Variants in CTIF observed in about 807,000 individuals in gnomAD.
CTIF encodes CBP80/20-dependent translation initiation factor.
Under a neutral mutation model 66.0 loss-of-function variants are expected in CTIF, and 21 were observed. The ratio of observed to expected loss-of-function variants is 0.32; its 90% CI spans 0.23 to 0.46. CTIF has a LOEUF of 0.46. Ranked by LOEUF, CTIF falls within the 20% of genes least tolerant of loss-of-function variation. The pLI, the probability that CTIF is intolerant of heterozygous loss-of-function variation, is 1.00. For missense variants in CTIF, 739 were observed against 812.7 expected (o/e 0.91, Z 1.10); for synonymous variants, 345 against 326.4 (o/e 1.06, Z -0.62).
rs1568196260 is a variant in CTIF, at chr18:48,761,391, A to T, written c.1073A>T (p.Asp358Val). Residue 358 changes from aspartate (D) to valine (V), a missense_variant and splice_region_variant, in exon 9 of 12, where the codon GAT becomes GTT. By Grantham distance (152) the Asp-to-Val change is radical (BLOSUM62 -3). This residue lies in a region of CTIF where 529 missense variants were observed against 520.3 expected (regional missense o/e 1.02). Coordinates refer to ENST00000256413, the MANE Select transcript of CTIF (RefSeq NM_014772.3). This position sits in a 1 kb window ranked among gnomAD's most constrained non-coding sequence, Gnocchi z 4.2. Reference protein sequence around the residue: ...DRLRRRLKEKDEVAVETTTPQ... With the variant: ...DRLRRRLKEKVEVAVETTTPQ... ...TTCATTTGTCTCCGACACCCCCAGG[A>T]TGAAGTGGCCGTGGAGACGACCACT... The T allele has an allele frequency of 6.2e-7, 1 of 1,612,190 alleles. No individual in the cohort carries two copies. Among genetic ancestry groups the T allele is most frequent in the Non-Finnish European group, 8.5e-7 (1 of 1,178,692 alleles).
chr18:48,558,153 A>G (rs1029995036), intron 1 of CTIF, among the ~76,000 whole-genome samples: 2 of 152,176 alleles, frequency 1.3e-5, no homozygotes, highest in Non-Finnish European at 2.9e-5. Context: ...CATTCATACC[A>G]CTGGTAGAAC....
chr18:48,598,588 T>C (rs929715415), intron 1 of CTIF, among the ~76,000 whole-genome samples: 21 of 152,144 alleles, frequency 1.4e-4, no homozygotes, highest in African/African-American at 4.8e-4. Flanking sequence ...TTGGGAACCC[T>C]TTGGTATTTG....
intron 6 of CTIF, among the ~76,000 whole-genome samples, chr18:48,709,502 G>A (rs554856880): frequency 1.2e-4 from 18 of 152,238 alleles, no homozygotes; most frequent in Non-Finnish European, 2.2e-4. Context: ...CCCTGGGCTC[G>A]TGTTACACTA....
chr18:48,660,096 T>A (rs912702400), intron 3 of CTIF, among the ~76,000 whole-genome samples: 1 of 145,396 alleles, frequency 6.9e-6, no homozygotes, highest in Non-Finnish European at 1.5e-5. Flanking sequence ...CCATGGCCTC[T>A]CTCCCCAGGC....
At chr18:48,781,239 T>C (rs1911182495) in intron 9 of CTIF, among the ~76,000 whole-genome samples, 1 of 152,210 alleles carries the variant, frequency 6.6e-6, no homozygotes. Context: ...CAGCTGTGTG[T>C]GCAGACAAAG....
At chr18:48,654,143 A>T (rs2091205522) in intron 3 of CTIF, among the ~76,000 whole-genome samples, 1 of 152,220 alleles carries the variant, frequency 6.6e-6, no homozygotes, top group Non-Finnish European at 1.5e-5. Context: ...AACTAAACTA[A>T]AGAGCTTCTG....
chr18:48,641,578 C>T (rs4939786), intron 3 of CTIF, among the ~76,000 whole-genome samples: 93,403 of 152,080 alleles, frequency 0.61, 31,568 homozygotes, highest in East Asian at 0.94. Context: ...TTCATCCTGA[C>T]GCCCTGTAGC....
intron 7 of CTIF, among the ~76,000 whole-genome samples, chr18:48,755,414 A>T (rs537472206): frequency 3.3e-5 from 5 of 152,048 alleles, no homozygotes; most frequent in African/African-American, 9.6e-5. Context: ...CTCCCCGCTG[A>T]CTCAGGCATT....
chr18:48,740,720 C>T (rs1218010556), intron 7 of CTIF, among the ~76,000 whole-genome samples: 1 of 152,166 alleles, frequency 6.6e-6, no homozygotes, highest in Admixed American at 6.5e-5. Context: ...CTTTTGTGTC[C>T]CCAGGGAGCA....
At chr18:48,733,107 A>G (rs760475526) in intron 7 of CTIF, among the ~76,000 whole-genome samples, 22 of 152,306 alleles carry the variant, frequency 1.4e-4, no homozygotes, top group South Asian at 8.3e-4. Flanking sequence ...TTAAAAATTC[A>G]TAATCCCTGT....
chr18:48,645,147 C>T (rs1463083544), intron 3 of CTIF, among the ~76,000 whole-genome samples: 1 of 151,928 alleles, frequency 6.6e-6, no homozygotes, highest in East Asian at 1.9e-4. Context: ...TAAGAAGACT[C>T]GGAGAGGTGG....
Position 48,761,302 on chromosome 18 carries a change from G to T in CTIF, c.1072-88G>T. ...GAAGTAGGCCTGGTCCTGCTTTCTG[G>T]GGGTGGCCACCCTCTTTCCACCAGG... On this transcript the variant is annotated intron_variant, in intron 8 of 11. Coordinates refer to ENST00000256413, the MANE Select transcript of CTIF (RefSeq NM_014772.3). This position sits in a 1 kb window ranked among gnomAD's most constrained non-coding sequence, Gnocchi z 4.2. 1 of 1,319,586 alleles carries T rather than the reference G, an allele frequency of 7.6e-7. No individual in the cohort carries two copies. The allele number at this position is 1,319,586 out of a possible 1,614,324, so 81.7% of individuals were successfully genotyped here.
At position 48,811,615 on chromosome 18, in the gene CTIF, T is replaced by C. The variant is rs573062814; in HGVS notation, c.1372-5606T>C. Among the ~76,000 whole-genome samples the C allele has an allele frequency of 2.0e-5, 3 of 152,146 alleles. No homozygotes were observed. The South Asian group carries it at 6.2e-4, about 31-fold the overall frequency. ...ACCATTCTACTGTCGTTTCTGTTTA[T>C]GGGTTTGGCTACTTTAGATACCTGC... On this transcript the variant is annotated intron_variant, in intron 9 of 11. Coordinates refer to ENST00000256413, the MANE Select transcript of CTIF (RefSeq NM_014772.3).
At chr18:48,762,326 T>C (rs774675115) in intron 9 of CTIF, among the ~76,000 whole-genome samples, 4 of 152,216 alleles carry the variant, frequency 2.6e-5, no homozygotes, top group Non-Finnish European at 5.9e-5. Flanking sequence ...GTCCAGTGGT[T>C]CTATCAGCAT....
chr18:48,807,347 C>A (rs934827748), intron 9 of CTIF, among the ~76,000 whole-genome samples: 13 of 152,146 alleles, frequency 8.5e-5, no homozygotes, highest in African/African-American at 3.1e-4. Context: ...GAGAAACATT[C>A]ACAGAGAATC....
intron 9 of CTIF, among the ~76,000 whole-genome samples, chr18:48,783,793 G>A (rs950405229): frequency 2.0e-5 from 3 of 152,002 alleles, no homozygotes; most frequent in South Asian, 2.1e-4. Context: ...GGAAACCTGC[G>A]GAGGCTGCCT....
In CTIF at chr18:48,670,696, G is replaced by A. The variant is rs934522725; in HGVS notation, c.459G>A (p.Gly153=). 2.5e-6 allele frequency: 4 copies of A among 1,614,006 alleles called. No individual in the cohort carries two copies. In the African/African-American group the frequency reaches 4.0e-5, roughly 16 times the overall value. ...GTGGCAAAGGGAAGCTGGAAGATGG[G>A]GATGGCATCAACCTGAATGACATCG... ...EGCGKGKLED[G]DGINLNDIEK... The change falls in exon 6 of 12, where the codon GGG becomes GGA. Residue 153 remains glycine, a synonymous_variant. Coordinates refer to ENST00000256413, the MANE Select transcript of CTIF (RefSeq NM_014772.3).
chr18:48,784,346 CA>C (rs1911521344), intron 9 of CTIF, among the ~76,000 whole-genome samples: 1 of 152,206 alleles, frequency 6.6e-6, no homozygotes. Flanking sequence ...GGAGCATGAG[CA>C]GAGGCAAGAA....
intron 2 of CTIF, among the ~76,000 whole-genome samples, chr18:48,635,327 C>CTTTTTTT (rs561455888): frequency 5.3e-5 from 6 of 113,378 alleles, no homozygotes; most frequent in Non-Finnish European, 7.5e-5. Flanking sequence ...CTTTTTCTTT[C>CTTTTTTT]TTTTTTTTTT....
Sources: allele counts gnomAD v4.1 joint callset (sites outside exome capture counted in the v4.1 genomes callset), GRCh38; gene constraint gnomAD v4.1.1; regional missense constraint gnomAD v4.1.1; non-coding constraint Gnocchi (gnomAD v3.1); transcripts MANE v1.5; gene names NCBI Gene and HGNC (gene_info 2026-07-23, HGNC 2026-07-21).